The following KHDRBS2 variants were observed in gnomAD, a reference collection of about 807,000 sequenced individuals.
The protein encoded by KHDRBS2 is KH domain-containing, RNA-binding, signal transduction-associated protein 2.
A neutral mutation model predicts 44.3 loss-of-function variants in KHDRBS2; 26 were observed. The observed-to-expected ratio is 0.59, with a 90% confidence interval of 0.43 to 0.81. The LOEUF is 0.81. KHDRBS2 is among the 40% of genes least tolerant of loss of function. KHDRBS2 has a pLI of 0.00. For missense variants in KHDRBS2, 476 were observed against 433.1 expected (o/e 1.10, Z -0.88); for synonymous variants, 194 against 151.1 (o/e 1.28, Z -2.08).
intron 3 of KHDRBS2, among the ~76,000 whole-genome samples, chr6:62,034,809 A>T (rs1343683468): frequency 6.6e-6 from 1 of 151,730 alleles, no homozygotes; most frequent in Non-Finnish European, 1.5e-5. Flanking sequence ...TAATAATCTG[A>T]TTAAAAATGT....
At chr6:62,201,610 C>G (rs915776514) in intron 1 of KHDRBS2, among the ~76,000 whole-genome samples, 18 of 151,988 alleles carry the variant, frequency 1.2e-4, no homozygotes, top group African/African-American at 4.1e-4. Flanking sequence ...ATGCTTCTTA[C>G]AAAACTAATT....
At chr6:61,960,007 T>A (rs559931999) in intron 4 of KHDRBS2, among the ~76,000 whole-genome samples, 2 of 152,280 alleles carry the variant, frequency 1.3e-5, no homozygotes, top group East Asian at 1.9e-4. Context: ...TTCATCACTA[T>A]CAAGACTAGT....
At chr6:62,220,979 G>A (rs2150152203) in intron 1 of KHDRBS2, among the ~76,000 whole-genome samples, 1 of 151,840 alleles carries the variant, frequency 6.6e-6, no homozygotes, top group East Asian at 1.9e-4. Flanking sequence ...ATACCCCAAA[G>A]AAATTAAATC....
At chr6:62,277,305 CA>C (rs1378283215) in intron 1 of KHDRBS2, among the ~76,000 whole-genome samples, 5 of 151,886 alleles carry the variant, frequency 3.3e-5, no homozygotes, top group Admixed American at 6.6e-5. Flanking sequence ...TAGCACATAT[CA>C]TATGCAGTTT....
chr6:61,905,481 A>C (rs1330763468), intron 4 of KHDRBS2, among the ~76,000 whole-genome samples: 1 of 152,180 alleles, frequency 6.6e-6, no homozygotes, highest in Non-Finnish European at 1.5e-5. Flanking sequence ...GAGCATTCAT[A>C]TTTGATTCGA....
intron 3 of KHDRBS2, among the ~76,000 whole-genome samples, chr6:62,039,474 A>G (rs1253758080): frequency 6.6e-6 from 1 of 151,914 alleles, no homozygotes. Flanking sequence ...TAGTATACAA[A>G]TATATATTTC....
chr6:62,096,259 GT>G (rs1484842473), intron 2 of KHDRBS2, among the ~76,000 whole-genome samples: 1 of 151,836 alleles, frequency 6.6e-6, no homozygotes, highest in Non-Finnish European at 1.5e-5. Context: ...CTTTGTTTCA[GT>G]TTTTTGTTGT....
intron 3 of KHDRBS2, among the ~76,000 whole-genome samples, chr6:62,005,561 A>G (rs1225825816): frequency 6.6e-6 from 1 of 151,852 alleles, no homozygotes; most frequent in Admixed American, 6.6e-5. Context: ...TACAAAAGAG[A>G]AAGGAAAGTC....
chr6:61,995,022 T>C (rs959833010), intron 3 of KHDRBS2, among the ~76,000 whole-genome samples: 1 of 151,872 alleles, frequency 6.6e-6, no homozygotes, highest in African/African-American at 2.4e-5. Context: ...TGGAAGCAAA[T>C]AAGGTTTGAA....
At chr6:62,023,276 G>A (rs1417038432) in intron 3 of KHDRBS2, among the ~76,000 whole-genome samples, 1 of 151,566 alleles carries the variant, frequency 6.6e-6, no homozygotes, top group Non-Finnish European at 1.5e-5. Flanking sequence ...GAAACAACCT[G>A]AGTATGTGCT....
rs56410130 is a variant in KHDRBS2 at position 61,752,671 on chromosome 6, CAAA to C, written c.811-19910_811-19908del. On this transcript the variant is annotated intron_variant, in intron 6 of 8. Coordinates refer to ENST00000281156, the MANE Select transcript of KHDRBS2 (RefSeq NM_152688.4). Reference sequence around the variant, plus strand: ...GCACTATTCTAGTGATTGTGGTATACAAAAAAAAAAAAAAAAAAAAAAGAACAA... The same window carrying C: ...GCACTATTCTAGTGATTGTGGTATACAAAAAAAAAAAAAAAAAAAGAACAA... Among the ~76,000 whole-genome samples the C allele has an allele frequency of 4.0e-4, 44 of 111,314 alleles. No individual in the cohort carries two copies. The East Asian group carries it at 9.6e-3, about 24-fold the overall frequency. The allele number at this position is 111,314 out of a possible 152,430, so 73.0% of individuals were successfully genotyped here.
intron 6 of KHDRBS2, among the ~76,000 whole-genome samples, chr6:61,807,094 T>C (rs1277976738): frequency 6.6e-6 from 1 of 152,112 alleles, no homozygotes; most frequent in Admixed American, 6.6e-5. Flanking sequence ...CGCTGATCAT[T>C]AGCAAAATGC....
At chr6:61,991,421 T>C (rs1562596550) in intron 3 of KHDRBS2, among the ~76,000 whole-genome samples, 1 of 152,258 alleles carries the variant, frequency 6.6e-6, no homozygotes, top group East Asian at 1.9e-4. Flanking sequence ...AAAGGCTTAA[T>C]GAAGTCTGAG....
chr6:61,781,220 C>T (rs1482356399), intron 6 of KHDRBS2, among the ~76,000 whole-genome samples: 2 of 152,064 alleles, frequency 1.3e-5, no homozygotes, highest in Non-Finnish European at 2.9e-5. Flanking sequence ...CATTTTAAGA[C>T]AGATGTGATT....
intron 2 of KHDRBS2, among the ~76,000 whole-genome samples, chr6:62,143,002 T>C (rs1212579417): frequency 2.6e-5 from 4 of 151,772 alleles, no homozygotes; most frequent in Non-Finnish European, 5.9e-5. Context: ...AGGTTTTAAG[T>C]TTGTATAAAA....
intron 6 of KHDRBS2, among the ~76,000 whole-genome samples, chr6:61,845,148 A>G (rs1794192440): frequency 6.6e-6 from 1 of 152,192 alleles, no homozygotes; most frequent in South Asian, 2.1e-4. Context: ...TTTTAAAAAT[A>G]AACATGATTG....
At chr6:62,243,650 G>A (rs1215157736) in intron 1 of KHDRBS2, among the ~76,000 whole-genome samples, 3 of 150,500 alleles carry the variant, frequency 2.0e-5, no homozygotes, top group South Asian at 2.1e-4. Flanking sequence ...GTAAATAACC[G>A]CTAGAAAACA....
intron 5 of KHDRBS2, among the ~76,000 whole-genome samples, chr6:61,899,735 C>T (rs937448334): frequency 1.6e-5 from 2 of 127,404 alleles, no homozygotes; most frequent in African/African-American, 5.6e-5. Flanking sequence ...GTTTTAATGC[C>T]CCCCCCCCGC....
chr6:62,223,287 C>T (rs1021257352), intron 1 of KHDRBS2, among the ~76,000 whole-genome samples: 19 of 152,192 alleles, frequency 1.2e-4, no homozygotes, highest in South Asian at 4.1e-4. Context: ...AGCTATGGTG[C>T]GAGCTCTGCA....
Sources: gnomAD v4.1 joint callset for allele counts (sites outside exome capture counted in the v4.1 genomes callset) on GRCh38, gnomAD v4.1.1 for gene constraint, MANE v1.5 for transcripts, NCBI Gene and HGNC (gene_info 2026-07-23, HGNC 2026-07-21) for gene names.